Variants in LRMDA observed in about 807,000 individuals in gnomAD.
LRMDA encodes leucine rich melanocyte differentiation associated.
In LRMDA, 18 loss-of-function variants were observed where a neutral mutation model predicts 29.8. That is an observed-to-expected ratio of 0.60 (90% CI 0.42 to 0.90). The LOEUF is 0.90. Ranked by LOEUF, LRMDA falls within the 40% of genes least tolerant of loss-of-function variation. The probability of loss-of-function intolerance (pLI) is 0.00; values close to 1 mark genes in which losing one functional copy is unlikely to be tolerated. For missense variants in LRMDA, 273 were observed against 273.9 expected (o/e 1.00, Z 0.02); for synonymous variants, 125 against 109.4 (o/e 1.14, Z -0.89).
chr10:76,443,877 A>G (rs1842328122), intron 6 of LRMDA, among the ~76,000 whole-genome samples: 1 of 152,154 alleles, frequency 6.6e-6, no homozygotes, highest in South Asian at 2.1e-4. Context: ...TTCTGGGTTT[A>G]TATTGGTTTC....
chr10:75,651,008 A>G (rs1475714715), intron 2 of LRMDA, among the ~76,000 whole-genome samples: 5 of 152,198 alleles, frequency 3.3e-5, no homozygotes, highest in African/African-American at 1.2e-4. Flanking sequence ...AGAGAAAAAA[A>G]ACACTTGGCC....
intron 2 of LRMDA, among the ~76,000 whole-genome samples, chr10:75,657,756 G>C (rs1418645307): frequency 2.0e-5 from 3 of 152,148 alleles, no homozygotes; most frequent in East Asian, 3.9e-4. Context: ...CAAACTGGTG[G>C]GCAAATTGGG....
At chr10:75,755,715 G>A (rs970416136) in intron 2 of LRMDA, among the ~76,000 whole-genome samples, 2 of 152,346 alleles carry the variant, frequency 1.3e-5, no homozygotes, top group South Asian at 2.1e-4. Flanking sequence ...CTAGGCTGAC[G>A]CAACCTTGGA....
chr10:75,521,449 G>A (rs573249723), intron 2 of LRMDA, among the ~76,000 whole-genome samples: 5 of 152,348 alleles, frequency 3.3e-5, no homozygotes, highest in African/African-American at 1.2e-4. Flanking sequence ...CTGCAGCCTC[G>A]CAGGTCGATC....
chr10:75,568,462 AAATT>A, intron 2 of LRMDA, among the ~76,000 whole-genome samples: 1 of 152,274 alleles, frequency 6.6e-6, no homozygotes, highest in Non-Finnish European at 1.5e-5. Context: ...ATGTTAGGAG[AAATT>A]AATTAAACAT....
At chr10:75,875,771 T>C (rs1845186946) in intron 2 of LRMDA, among the ~76,000 whole-genome samples, 1 of 152,144 alleles carries the variant, frequency 6.6e-6, no homozygotes, top group African/African-American at 2.4e-5. Flanking sequence ...TCTAATTGGA[T>C]AGTAGTGATT....
At chr10:75,922,123 A>G (rs1846032977) in intron 2 of LRMDA, among the ~76,000 whole-genome samples, 1 of 152,222 alleles carries the variant, frequency 6.6e-6, no homozygotes, top group Admixed American at 6.5e-5. Flanking sequence ...AGACTTCCCA[A>G]CAATGGGGGA....
chr10:75,979,026 A>C lies in LRMDA; in HGVS notation c.132-56982A>C, dbSNP rs560903048. ...GGACTTTCCATGCATCACTTTGCTT[A>C]TCTGTAAAATGGCATTAATAATAGT... On this transcript the variant is annotated intron_variant, in intron 2 of 6. Coordinates refer to ENST00000611255, the MANE Select transcript of LRMDA (RefSeq NM_001305581.2). Among the ~76,000 whole-genome samples the C allele has an allele frequency of 2.2e-4, 33 of 152,310 alleles. No homozygotes were observed. The South Asian group carries it at 3.9e-3, about 18-fold the overall frequency.
rs139093793 is a variant in LRMDA, at chr10:75,509,565, G to A, written c.131+71071G>A. On this transcript the variant is annotated intron_variant, in intron 2 of 6. Transcript: ENST00000611255. ...ACCATGATTTGCTGTATTTCTTCCA[G>A]GCCTTATTTTACAGATGACACTGAG... Among the ~76,000 whole-genome samples the A allele has an allele frequency of 1.4e-3, 209 of 152,254 alleles. 1 individual carries two copies. Among genetic ancestry groups the A allele is most frequent in the African/African-American group, 4.5e-3 (186 of 41,546 alleles).
intron 2 of LRMDA, among the ~76,000 whole-genome samples, chr10:75,905,907 T>G (rs982299443): frequency 2.0e-5 from 3 of 151,006 alleles, no homozygotes; most frequent in African/African-American, 7.4e-5. Context: ...GGAGTGATGG[T>G]CACTGAGTCC....
chr10:76,507,304 ATAT>A (rs1205382810), intron 6 of LRMDA, among the ~76,000 whole-genome samples: 2 of 151,420 alleles, frequency 1.3e-5, no homozygotes, highest in Non-Finnish European at 2.9e-5. Context: ...ATTGTTATTA[ATAT>A]TATTTTTGCT....
chr10:76,161,931 A>G (rs1850654176), intron 5 of LRMDA, among the ~76,000 whole-genome samples: 1 of 152,242 alleles, frequency 6.6e-6, no homozygotes, highest in Admixed American at 6.5e-5. Flanking sequence ...CACATTTCAT[A>G]GAGCAAACTT....
At position 75,677,491 on chromosome 10, in the gene LRMDA, A is replaced by G. The variant is rs980852725; in HGVS notation, c.131+238997A>G. On this transcript the variant is annotated intron_variant, in intron 2 of 6. Coordinates refer to ENST00000611255, the MANE Select transcript of LRMDA (RefSeq NM_001305581.2). The stretch of plus-strand genomic sequence containing the variant: ...TTATTTCATTTTTTAAAAAAGCTAC[A>G]GTTCACTGAGTCTACAATGCATACT... Among the ~76,000 whole-genome samples, 5 of 152,318 alleles carry G rather than the reference A, an allele frequency of 3.3e-5. No individual in the cohort carries two copies. The South Asian group carries it at 1.0e-3, about 32-fold the overall frequency.
chr10:76,552,300 T>C (rs1288168151), intron 6 of LRMDA, among the ~76,000 whole-genome samples: 1 of 152,206 alleles, frequency 6.6e-6, no homozygotes, highest in East Asian at 1.9e-4. Flanking sequence ...CCAAAGCCAG[T>C]GGGATACAGC....
intron 2 of LRMDA, among the ~76,000 whole-genome samples, chr10:75,640,528 C>T (rs1589143195): frequency 6.6e-6 from 1 of 152,208 alleles, no homozygotes; most frequent in Admixed American, 6.5e-5. Flanking sequence ...TATTTCTCAA[C>T]AGCTGCAATG....
At chr10:76,010,531 C>G (rs1342518056) in intron 2 of LRMDA, among the ~76,000 whole-genome samples, 1 of 152,154 alleles carries the variant, frequency 6.6e-6, no homozygotes, top group Non-Finnish European at 1.5e-5. Context: ...CCAGGATGGT[C>G]TCGATCTCCT....
At chr10:75,909,224 C>G (rs968991654) in intron 2 of LRMDA, among the ~76,000 whole-genome samples, 1 of 151,962 alleles carries the variant, frequency 6.6e-6, no homozygotes, top group Admixed American at 6.5e-5. Context: ...GAGGAGAACC[C>G]AAAGAAGTAA....
At chr10:75,487,820 TG>T (rs1313337589) in intron 2 of LRMDA, among the ~76,000 whole-genome samples, 1 of 152,172 alleles carries the variant, frequency 6.6e-6, no homozygotes, top group Non-Finnish European at 1.5e-5. Flanking sequence ...CTTTGTTAGC[TG>T]GGGAGTCATC....
chr10:76,538,116 T>G (rs1843310110), intron 6 of LRMDA, among the ~76,000 whole-genome samples: 2 of 152,302 alleles, frequency 1.3e-5, no homozygotes, highest in South Asian at 4.1e-4. Context: ...TTAGGTTCAT[T>G]TTTTTCTGTT....
Sources: gnomAD v4.1 joint callset for allele counts (sites outside exome capture counted in the v4.1 genomes callset) on GRCh38, gnomAD v4.1.1 for gene constraint, MANE v1.5 for transcripts, NCBI Gene and HGNC (gene_info 2026-07-23, HGNC 2026-07-21) for gene names.